The following OSBPL3 variants were observed in gnomAD, a reference collection of about 807,000 sequenced individuals.
OSBPL3 encodes the protein oxysterol-binding protein-related protein 3.
OSBPL3 carries 65 observed loss-of-function variants against 120.1 expected under a neutral mutation model. The ratio of observed to expected loss-of-function variants is 0.54; its 90% CI spans 0.44 to 0.67. The LOEUF (loss-of-function observed/expected upper bound fraction) is 0.67, where lower values mean the gene tolerates loss of function less well. Among genes scored for constraint, OSBPL3 ranks in the 30% least tolerant of loss-of-function variants. The pLI is 0.00. For missense variants in OSBPL3, 1,004 were observed against 1,082.1 expected (o/e 0.93, Z 1.01); for synonymous variants, 416 against 402.6 (o/e 1.03, Z -0.40).
intron 2 of OSBPL3, among the ~76,000 whole-genome samples, chr7:24,885,353 T>C (rs1454755805): frequency 6.6e-6 from 1 of 152,082 alleles, no homozygotes; most frequent in Non-Finnish European, 1.5e-5. Flanking sequence ...TCTTCCCCAT[T>C]CCACTCACCT....
rs1382934023 is a variant in OSBPL3 at position 24,930,938 on chromosome 7, T to A, written c.-149-38317A>T. ...TAGAATGTGAAGATGACTTTTTTAA[T>A]TCCAAAAATTATTTAACATTCTCAC... On this transcript the variant is annotated intron_variant, in intron 1 of 22. Transcript: ENST00000313367. This position sits in a 1 kb window ranked among gnomAD's most constrained non-coding sequence, Gnocchi z 4.4. Among the ~76,000 whole-genome samples the A allele has an allele frequency of 6.6e-6, 1 of 152,238 alleles. No homozygotes were observed. Among genetic ancestry groups the A allele is most frequent in the Admixed American group, 6.5e-5 (1 of 15,288 alleles).
Position 24,824,204 on chromosome 7 carries a change from A to G in OSBPL3, c.1885-3966T>C, listed in dbSNP as rs934217140. Among the ~76,000 whole-genome samples, 11 of 152,222 alleles carry G rather than the reference A, an allele frequency of 7.2e-5. No homozygotes were observed. The highest frequency in any genetic ancestry group is 2.7e-4 in the African/African-American group (11 of 41,458). The stretch of plus-strand genomic sequence containing the variant: ...TATTTATATGGTAACACATGTATCT[A>G]TCTTTCTTTCTACAAGCCCCAATAC... On this transcript the variant is annotated intron_variant, in intron 16 of 22. Coordinates refer to ENST00000313367, the MANE Select transcript of OSBPL3 (RefSeq NM_015550.4). This position sits in a 1 kb window ranked among gnomAD's most constrained non-coding sequence, Gnocchi z 4.9.
At chr7:24,893,275 T>G (rs1312141139) in intron 1 of OSBPL3, among the ~76,000 whole-genome samples, 3 of 152,206 alleles carry the variant, frequency 2.0e-5, no homozygotes, top group Admixed American at 2.0e-4. Flanking sequence ...ATACATTCAA[T>G]GGAATATTAT....
chr7:24,910,721 A>T (rs1176598429), intron 1 of OSBPL3, among the ~76,000 whole-genome samples: 1 of 152,226 alleles, frequency 6.6e-6, no homozygotes, highest in South Asian at 2.1e-4. Context: ...GGCAGTCACA[A>T]GGGAAGAGCT....
chr7:24,917,446 T>TATACAC (rs1366145573), intron 1 of OSBPL3, among the ~76,000 whole-genome samples: 3 of 122,230 alleles, frequency 2.5e-5, no homozygotes, highest in African/African-American at 9.2e-5. Flanking sequence ...TATATATATA[T>TATACAC]ACACACACAT....
Position 24,968,698 on chromosome 7 carries a change from A to C in OSBPL3, c.-150+11188T>G, listed in dbSNP as rs1039319852. 6.6e-6 allele frequency among the ~76,000 whole-genome samples: 1 copy of C among 152,202 alleles called. No individual in the cohort carries two copies. Among genetic ancestry groups the C allele is most frequent in the Admixed American group, 6.5e-5 (1 of 15,284 alleles). On this transcript the variant is annotated intron_variant, in intron 1 of 22. Coordinates refer to ENST00000313367, the MANE Select transcript of OSBPL3 (RefSeq NM_015550.4). The surrounding 1 kb of genome is among the most constrained non-coding windows in gnomAD (Gnocchi z 4.6). ...AGGTGTGAGCCACGGCGCCAGCCTC[A>C]GCCCACCAATTTTATCCATGTGTGC...
rs1007905694 is a variant in OSBPL3, at chr7:24,802,774, A to G, written c.2567+1541T>C. Among the ~76,000 whole-genome samples, 7 of 152,226 alleles carry G rather than the reference A, an allele frequency of 4.6e-5. No homozygotes were observed. Among genetic ancestry groups the G allele is most frequent in the African/African-American group, 1.7e-4 (7 of 41,460 alleles). ...AATGAAAATAGACAATGTATGGAAGAAAAAGAACCAACCTACTTAAGGGTG... is the reference window on the plus strand; with the variant it reads ...AATGAAAATAGACAATGTATGGAAGGAAAAGAACCAACCTACTTAAGGGTG... On this transcript the variant is annotated intron_variant, in intron 22 of 22. Coordinates refer to ENST00000313367, the MANE Select transcript of OSBPL3 (RefSeq NM_015550.4). The surrounding 1 kb of genome is among the most constrained non-coding windows in gnomAD (Gnocchi z 4.1).
rs912466813 is a variant in OSBPL3 at position 24,979,909 on chromosome 7, G to A, written c.-173C>T. 4 of 969,698 alleles carry A rather than the reference G, an allele frequency of 4.1e-6. No homozygotes were observed. Among genetic ancestry groups the A allele is most frequent in the African/African-American group, 1.8e-5 (1 of 54,696 alleles). The allele number at this position is 969,698 out of a possible 1,614,324, so 60.1% of individuals were successfully genotyped here. ...ACCTGAGCGCTGTGCAGCCGGAGAC[G>A]CTCCCTAGTTCCCCGGGGCCGGGCT... On this transcript the variant is annotated 5_prime_UTR_variant, in exon 1 of 23. Coordinates refer to ENST00000313367, the MANE Select transcript of OSBPL3 (RefSeq NM_015550.4).
chr7:24,954,682 C>T (rs1256482573), intron 1 of OSBPL3, among the ~76,000 whole-genome samples: 3 of 152,064 alleles, frequency 2.0e-5, no homozygotes, highest in African/African-American at 7.2e-5. Context: ...TCCAACAGTA[C>T]GTTGAAAAGA....
intron 19 of OSBPL3, among the ~76,000 whole-genome samples, chr7:24,811,963 G>C (rs2128120702): frequency 6.6e-6 from 1 of 152,238 alleles, no homozygotes; most frequent in South Asian, 2.1e-4. Flanking sequence ...ACTAATATTT[G>C]TGTAAGATAC....
intron 1 of OSBPL3, among the ~76,000 whole-genome samples, chr7:24,969,921 G>A (rs1159961986): frequency 4.0e-5 from 6 of 151,802 alleles, no homozygotes. Flanking sequence ...AGTTACTATG[G>A]GATTTAGGAC....
Position 24,864,179 on chromosome 7 carries a change from A to G in OSBPL3, c.674-580T>C, listed in dbSNP as rs572344882. 2.3e-3 allele frequency among the ~76,000 whole-genome samples: 343 copies of G among 152,330 alleles called. 3 individuals are homozygous for G. The highest frequency in any genetic ancestry group is 7.6e-3 in the African/African-American group (315 of 41,574). ...CTCTTGCACATGGACCTGAGAGGAC[A>G]TAAGAGGACTCTCCAACCAGATCCC... On this transcript the variant is annotated intron_variant, in intron 7 of 22. Transcript: ENST00000313367.
Position 24,816,642 on chromosome 7 carries a change from A to G in OSBPL3, c.1995T>C (p.Val665=). The G allele has an allele frequency of 6.2e-7, 1 of 1,612,936 alleles. No individual in the cohort carries two copies. The highest frequency in any genetic ancestry group is 8.5e-7 in the Non-Finnish European group (1 of 1,178,868). Residue 665 remains valine, a synonymous_variant, in exon 18 of 23, where the codon GTT becomes GTC. Transcript: ENST00000313367. ...NKFWGKSMEI[V]PIGTTHVTLP... is the part of the protein sequence containing the mutation. ...GAGTCACATGGGTTGTGCCAATTGG[A>G]ACAATTTCCATGGATTTGCCCCAGA... is the stretch of plus-strand genomic sequence containing the variant.
At position 24,891,165 on chromosome 7, in the gene OSBPL3, CA is replaced by C. The variant is rs2128338306; in HGVS notation, c.96+1211del. On this transcript the variant is annotated intron_variant, in intron 2 of 22. Coordinates refer to ENST00000313367, the MANE Select transcript of OSBPL3 (RefSeq NM_015550.4). This position sits in a 1 kb window ranked among gnomAD's most constrained non-coding sequence, Gnocchi z 4.1. The stretch of plus-strand genomic sequence containing the variant: ...AGTGACCCTCATGAAAACAGAACTG[CA>C]GGGAGCCATGATGCATTAGCCAATG... Among the ~76,000 whole-genome samples, 1 of 151,984 alleles carries C rather than the reference CA, an allele frequency of 6.6e-6. No homozygotes were observed. The highest frequency in any genetic ancestry group is 1.9e-4 in the East Asian group (1 of 5,178).
At chr7:24,979,847 A>C in intron 1 of OSBPL3, 39 bp downstream of exon 1, 1 of 880,480 alleles carries the variant, frequency 1.1e-6, no homozygotes, top group Non-Finnish European at 1.4e-6. Context: ...AGGCCCCCCG[A>C]CACCCAGGCC....
intron 13 of OSBPL3, 150 bp downstream of exon 13, chr7:24,842,129 G>T: frequency 2.7e-6 from 2 of 733,290 alleles, no homozygotes; most frequent in South Asian, 1.8e-5. Flanking sequence ...TACTTTTTGG[G>T]TATGAGTTAT....
At chr7:24,980,769 G>A (rs180766764), upstream of OSBPL3, among the ~76,000 whole-genome samples, 2 of 152,182 alleles carry the variant, frequency 1.3e-5, no homozygotes, top group East Asian at 3.9e-4. Flanking sequence ...TACCTCCAGA[G>A]GCAGTCGTGC....
rs1417264729 is a variant in OSBPL3 at position 24,804,339 on chromosome 7, A to C, written c.2543T>G (p.Val848Gly). 9.9e-6 allele frequency: 16 copies of C among 1,614,074 alleles called. No homozygotes were observed. Among genetic ancestry groups the C allele is most frequent in the Non-Finnish European group, 1.3e-5 (15 of 1,180,046 alleles). Residue 848 changes from valine to glycine, a missense_variant, in exon 22 of 23, where the codon GTG becomes GGG. By Grantham distance (109) the Val-to-Gly change is moderately radical (BLOSUM62 -3). Transcript: ENST00000313367. The surrounding 1 kb of genome is among the most constrained non-coding windows in gnomAD (Gnocchi z 5.4). ...CCTGAAAAACCGAGGCTGGTGCTCC[A>C]CATGATTTTCTTCTAAGACCCGCCG... Reference protein sequence around the residue: ...ERRRVLEENHVEHQPRFFRKS... With the variant: ...ERRRVLEENHGEHQPRFFRKS...
At position 24,803,785 on chromosome 7, in the gene OSBPL3, T is replaced by A. The variant is rs1003652916; in HGVS notation, c.2567+530A>T. Among the ~76,000 whole-genome samples the A allele has an allele frequency of 1.3e-5, 2 of 150,406 alleles. No individual in the cohort carries two copies. The highest frequency in any genetic ancestry group is 4.9e-5 in the African/African-American group (2 of 41,046). Reference sequence around the variant, plus strand: ...GACTCTGTATCAGAAAAAAAAAAAATTATATCTATTTTAACAAGACCTTCT... The same window carrying A: ...GACTCTGTATCAGAAAAAAAAAAAAATATATCTATTTTAACAAGACCTTCT... On this transcript the variant is annotated intron_variant, in intron 22 of 22. Coordinates refer to ENST00000313367, the MANE Select transcript of OSBPL3 (RefSeq NM_015550.4). This position sits in a 1 kb window ranked among gnomAD's most constrained non-coding sequence, Gnocchi z 4.2.
Sources: gnomAD v4.1 joint callset for allele counts (sites outside exome capture counted in the v4.1 genomes callset) on GRCh38, gnomAD v4.1.1 for gene constraint, Gnocchi (gnomAD v3.1) non-coding constraint, MANE v1.5 for transcripts, NCBI Gene and HGNC (gene_info 2026-07-23, HGNC 2026-07-21) for gene names.